The following MDN1 variants were observed in gnomAD, a reference collection of about 807,000 sequenced individuals.
MDN1 encodes the protein midasin.
In MDN1, 266 loss-of-function variants were observed where a neutral mutation model predicts 669.2. That is an observed-to-expected ratio of 0.40 (90% CI 0.36 to 0.44). The LOEUF (loss-of-function observed/expected upper bound fraction) is 0.44. Ranked by LOEUF, MDN1 falls within the 20% of genes least tolerant of loss-of-function variation. The pLI, the probability that MDN1 is intolerant of heterozygous loss-of-function variation, is 1.00. For synonymous variants in MDN1, 2,385 were observed against 2,457.1 expected (o/e 0.97, Z 0.87); for missense variants, 5,940 against 6,754.0 (o/e 0.88, Z 4.22).
intron 85 of MDN1, 140 bp downstream of exon 85, chr6:89,664,347 G>T: frequency 1.0e-6 from 1 of 960,044 alleles, no homozygotes. Flanking sequence ...TGCAGCTGCT[G>T]AGGTTTTCAT....
chr6:89,779,466 C>T (rs971916867), intron 11 of MDN1, among the ~76,000 whole-genome samples: 3 of 152,186 alleles, frequency 2.0e-5, no homozygotes, highest in Admixed American at 6.5e-5. Context: ...AGAAACCCAT[C>T]CTGGATTTAT....
Position 89,658,714 on chromosome 6 carries a change from C to T in MDN1, c.14917G>A (p.Glu4973Lys). 2 of 1,614,202 alleles carry T rather than the reference C, an allele frequency of 1.2e-6. No individual in the cohort carries two copies. Among genetic ancestry groups the T allele is most frequent in the Non-Finnish European group, 8.5e-7 (1 of 1,180,036 alleles). ...TGCTGCTGCTCCTCAGAGTGTTCTT[C>T]AGGATGCTGAGCAGCATCTCCATCT... ...DQDGDAAQHP[E>K]EHSEEQQQSV... Residue 4973 changes from glutamate to lysine, a missense_variant, in exon 89 of 102, where the codon GAA becomes AAA. By Grantham distance (56) the Glu-to-Lys change is moderately conservative. This residue lies in a region of MDN1 where 2,280 missense variants were observed against 2,576.3 expected (regional missense o/e 0.88). Transcript: ENST00000369393.
intron 12 of MDN1, among the ~76,000 whole-genome samples, chr6:89,776,065 T>C (rs182887243): frequency 6.6e-6 from 1 of 152,332 alleles, no homozygotes; most frequent in East Asian, 1.9e-4. Context: ...ACAAAGGTAT[T>C]ACTAAAACAT....
chr6:89,754,316 T>A, intron 20 of MDN1, 86 bp from the exon 21 acceptor site: 2 of 1,388,386 alleles, frequency 1.4e-6, no homozygotes, highest in East Asian at 2.5e-5. Context: ...CAAAGGACAT[T>A]TTTTAGATCA....
chr6:89,729,315 C>T (rs1330106220), intron 35 of MDN1, among the ~76,000 whole-genome samples, 176 bp from the exon 36 acceptor site: 1 of 152,234 alleles, frequency 6.6e-6, no homozygotes, highest in African/African-American at 2.4e-5. Context: ...CCATAAAATG[C>T]TTTAAAGGAA....
In MDN1 at chr6:89,695,991, G is replaced by A. The variant is rs376283325; in HGVS notation, c.9385C>T (p.Arg3129Cys). Reference protein sequence around the residue: ...MAISSVAEFRRTDSQLQGQVL... With the variant: ...MAISSVAEFRCTDSQLQGQVL... The stretch of plus-strand genomic sequence containing the variant: ...TGCCCCTGGAGTTGGGAATCCGTGC[G>A]TCTGTGGGGACAAAAAGAAAGCACT... Residue 3129 changes from arginine to cysteine, a missense_variant and splice_region_variant, in exon 61 of 102, where the codon CGC becomes TGC. By Grantham distance (180) the Arg-to-Cys change is radical (BLOSUM62 -3). Transcript: ENST00000369393. The surrounding 1 kb of genome is among the most constrained non-coding windows in gnomAD (Gnocchi z 4.1). 2.4e-5 allele frequency: 39 copies of A among 1,602,892 alleles called. No homozygotes were observed. The highest frequency in any genetic ancestry group is 2.7e-5 in the African/African-American group (2 of 74,678).
intron 37 of MDN1, 124 bp from the exon 38 acceptor site, chr6:89,725,520 T>C (rs915430364): frequency 1.2e-6 from 1 of 827,910 alleles, no homozygotes; most frequent in African/African-American, 1.7e-5. Flanking sequence ...TCAAACAATA[T>C]TGATAACCTT....
At chr6:89,702,147 C>T in intron 53 of MDN1, 86 bp from the exon 54 acceptor site, 1 of 1,305,410 alleles carries the variant, frequency 7.7e-7, no homozygotes, top group African/African-American at 1.5e-5. Flanking sequence ...CAAGACTGCT[C>T]ACCAACATCT....
Position 89,689,870 on chromosome 6 carries a change from C to T in MDN1, c.11023G>A (p.Gly3675Arg). ...SLVTHFYPLM[G>R]VELNDRLLGS... ...GCATAACAAAAGTAAACTACCATAC[C>T]CATCAGGGGGTAGAAGTGTGTCACA... Residue 3675 changes from glycine (G) to arginine (R), a missense_variant and splice_region_variant, in exon 65 of 102, where the codon GGA becomes AGA. Physicochemically the swap from Gly to Arg is moderately radical, Grantham distance 125. Coordinates refer to ENST00000369393, the MANE Select transcript of MDN1 (RefSeq NM_014611.3). The T allele has an allele frequency of 3.1e-6, 5 of 1,613,472 alleles. No individual in the cohort carries two copies. The highest frequency in any genetic ancestry group is 2.5e-6 in the Non-Finnish European group (3 of 1,179,790).
chr6:89,755,149 A>T lies in MDN1; in HGVS notation c.2817-919T>A, dbSNP rs1817177472. 3.3e-5 allele frequency among the ~76,000 whole-genome samples: 5 copies of T among 152,108 alleles called. No homozygotes were observed. The South Asian group carries it at 6.2e-4, about 19-fold the overall frequency. ...ACTATACGTATTTACACTTTTGTCC[A>T]AATATTCTTGGCTACCAAAAAGTAT... On this transcript the variant is annotated intron_variant, in intron 20 of 101. Coordinates refer to ENST00000369393, the MANE Select transcript of MDN1 (RefSeq NM_014611.3).
chr6:89,710,904 T>C lies in MDN1; in HGVS notation c.7652-110A>G, dbSNP rs1317828140. On this transcript the variant is annotated intron_variant, in intron 49 of 101. Transcript: ENST00000369393. ...CTGCATAGAATAACCACTAGTCACA[T>C]ATGAGGACCTGAAATGTGGCCAGTG... The C allele has an allele frequency of 6.5e-6, 4 of 619,334 alleles. No homozygotes were observed. The African/African-American group carries it at 7.9e-5, about 12-fold the overall frequency. 38.4% of individuals were successfully genotyped at this position (619,334 alleles called of 1,614,324 possible). A position where few individuals can be genotyped will look rare whatever the true frequency, so the allele number is the denominator to read the frequency against.
At chr6:89,657,931 C>T (rs1026396080) in intron 90 of MDN1, among the ~76,000 whole-genome samples, 2 of 152,232 alleles carry the variant, frequency 1.3e-5, no homozygotes, top group Non-Finnish European at 2.9e-5. Context: ...GCAATTGGCT[C>T]TACCATTGAG....
In MDN1 at chr6:89,695,848, C is replaced by T. The variant is rs1180962386; in HGVS notation, c.9528G>A (p.Val3176=). The T allele has an allele frequency of 6.2e-7, 1 of 1,613,752 alleles. No individual in the cohort carries two copies. The highest frequency in any genetic ancestry group is 8.5e-7 in the Non-Finnish European group (1 of 1,180,026). Residue 3176 remains valine (V), a synonymous_variant, in exon 61 of 102, where the codon GTG becomes GTA. Transcript: ENST00000369393. The surrounding 1 kb of genome is among the most constrained non-coding windows in gnomAD (Gnocchi z 4.1). The part of the protein sequence containing the change: ...LLGSSQAFQH[V]GQTLGDMAGQ... ...CAGCCATGTCCCCAAGTGTCTGGCCCACATGCTGGAAGGCCTGGCTGCTCC... is the reference window on the plus strand; with the variant it reads ...CAGCCATGTCCCCAAGTGTCTGGCCTACATGCTGGAAGGCCTGGCTGCTCC...
chr6:89,668,196 A>C, intron 83 of MDN1, 45 bp from the exon 84 acceptor site: 1 of 1,606,210 alleles, frequency 6.2e-7, no homozygotes, highest in Non-Finnish European at 8.5e-7. Flanking sequence ...CACAAAAGCA[A>C]TTTTAAAAGG....
rs1470922451 is a variant in MDN1, at chr6:89,645,170, T to C, written c.16460-13A>G. On this transcript the variant is annotated splice_polypyrimidine_tract_variant and intron_variant, in intron 100 of 101. Coordinates refer to ENST00000369393, the MANE Select transcript of MDN1 (RefSeq NM_014611.3). ...AGTTGTGCAGTTTCTGTAGACCATA[T>C]AAGACGAAGCAAGGGAATAAAATGA... 6.3e-7 allele frequency: 1 copy of C among 1,580,158 alleles called. No homozygotes were observed. The highest frequency in any genetic ancestry group is 8.7e-7 in the Non-Finnish European group (1 of 1,153,940).
chr6:89,786,700 G>A (rs938441209), intron 8 of MDN1, among the ~76,000 whole-genome samples: 12 of 151,932 alleles, frequency 7.9e-5, no homozygotes, highest in South Asian at 2.1e-4. Flanking sequence ...AGGCCAAGGC[G>A]GAGGATCATG....
At position 89,819,745 on chromosome 6, in the gene MDN1, C is replaced by A; in HGVS notation, c.-138G>T. ...GGCGTCCTCAGCTCCAGCGCCTACACCGGGAGAGGGGCACCACACGTGGGT... is the reference window on the plus strand; with the variant it reads ...GGCGTCCTCAGCTCCAGCGCCTACAACGGGAGAGGGGCACCACACGTGGGT... On this transcript the variant is annotated 5_prime_UTR_variant, in exon 1 of 102. Transcript: ENST00000369393. 1.5e-6 allele frequency: 1 copy of A among 673,544 alleles called. No individual in the cohort carries two copies. Among genetic ancestry groups the A allele is most frequent in the Non-Finnish European group, 2.6e-6 (1 of 384,304 alleles). 41.7% of individuals were successfully genotyped at this position (673,544 alleles called of 1,614,324 possible).
chr6:89,664,328 G>A (rs1810029139), intron 85 of MDN1, among the ~76,000 whole-genome samples, 159 bp downstream of exon 85: 1 of 152,194 alleles, frequency 6.6e-6, no homozygotes, highest in Non-Finnish European at 1.5e-5. Context: ...TGGAGGTGGT[G>A]ATAGCACATG....
intron 43 of MDN1, among the ~76,000 whole-genome samples, chr6:89,717,788 T>TCAA (rs1814499905): frequency 6.6e-6 from 1 of 152,136 alleles, no homozygotes; most frequent in Admixed American, 6.6e-5. Flanking sequence ...CTATAAGGAA[T>TCAA]CAACACTTTG....
Sources: gnomAD v4.1 joint callset for allele counts (sites outside exome capture counted in the v4.1 genomes callset) on GRCh38, gnomAD v4.1.1 for gene constraint, gnomAD v4.1.1 regional missense constraint, Gnocchi (gnomAD v3.1) non-coding constraint, MANE v1.5 for transcripts, NCBI Gene and HGNC (gene_info 2026-07-23, HGNC 2026-07-21) for gene names.